The following DLC1 variants were observed in gnomAD, a reference collection of about 807,000 sequenced individuals.
DLC1 encodes rho GTPase-activating protein 7.
DLC1 carries 54 observed loss-of-function variants against 140.3 expected under a neutral mutation model. That is an observed-to-expected ratio of 0.38 (90% CI 0.31 to 0.48). DLC1 has a LOEUF of 0.48. Among genes scored for constraint, DLC1 ranks in the 20% least tolerant of loss-of-function variants. DLC1 has a pLI of 0.96. For synonymous variants in DLC1, 986 were observed against 728.1 expected, an observed-to-expected ratio of 1.35 and a Z score of -5.70; for missense variants, 2,536 against 1,907.0, an observed-to-expected ratio of 1.33 and a Z score of -6.14.
rs567771375 is a variant in DLC1, at chr8:13,583,072, A to G, written c.-126+21465T>C. 7.9e-5 allele frequency among the ~76,000 whole-genome samples: 12 copies of G among 151,868 alleles called. No individual in the cohort carries two copies. The East Asian group carries it at 2.3e-3, about 30-fold the overall frequency. On this transcript the variant is annotated intron_variant, in intron 1 of 1. Coordinates refer to the DLC1 transcript ENST00000631382. Reference sequence around the variant, plus strand: ...TGATGTTGATGGCTGCTGACTGATCAGGGTGGTGGTGGCCGAAAGTTGAGG... The same window carrying G: ...TGATGTTGATGGCTGCTGACTGATCGGGGTGGTGGTGGCCGAAAGTTGAGG...
At chr8:13,317,660 G>C (rs1211814564) in intron 4 of DLC1, among the ~76,000 whole-genome samples, 1 of 152,074 alleles carries the variant, frequency 6.6e-6, no homozygotes, top group Non-Finnish European at 1.5e-5. Flanking sequence ...GAGGGGTAGG[G>C]AGGGCCTGAA....
At chr8:13,353,993 T>A (rs1297889431) in intron 4 of DLC1, among the ~76,000 whole-genome samples, 1 of 152,194 alleles carries the variant, frequency 6.6e-6, no homozygotes, top group Non-Finnish European at 1.5e-5. Flanking sequence ...GTCCACTGAC[T>A]TTCTTCACAT....
At chr8:13,482,148 G>C (rs903581761) in intron 2 of DLC1, among the ~76,000 whole-genome samples, 1 of 152,130 alleles carries the variant, frequency 6.6e-6, no homozygotes, top group African/African-American at 2.4e-5. Flanking sequence ...CCAAGAAAAT[G>C]AATACAGCAG....
chr8:13,439,206 C>T (rs915840535), intron 2 of DLC1, among the ~76,000 whole-genome samples: 4 of 152,040 alleles, frequency 2.6e-5, no homozygotes, highest in African/African-American at 9.7e-5. Context: ...CACCTGTGGT[C>T]CTAGGTACTT....
Position 13,318,505 on chromosome 8 carries a change from C to T in DLC1, c.1315-13203G>A, listed in dbSNP as rs573650535. Among the ~76,000 whole-genome samples, 6 of 152,288 alleles carry T rather than the reference C, an allele frequency of 3.9e-5. No homozygotes were observed. In the South Asian group the frequency reaches 1.2e-3, roughly 32 times the overall value. ...GTTTTAACTTAGTTAAGTTCATGTT[C>T]TCCCCTTCTCTTCTATCCAGCCTCT... On this transcript the variant is annotated intron_variant, in intron 4 of 17. Coordinates refer to ENST00000276297, the MANE Select transcript of DLC1 (RefSeq NM_182643.3).
At chr8:13,269,940 G>A (rs960542222) in intron 5 of DLC1, among the ~76,000 whole-genome samples, 7 of 150,552 alleles carry the variant, frequency 4.6e-5, no homozygotes, top group East Asian at 2.0e-4. Flanking sequence ...GGTGGCGGGC[G>A]CCTGTAGTCC....
intron 4 of DLC1, among the ~76,000 whole-genome samples, chr8:13,392,033 A>G (rs1178097780): frequency 6.6e-6 from 1 of 152,082 alleles, no homozygotes; most frequent in Admixed American, 6.6e-5. Context: ...TCTTATCTTA[A>G]TTTTGCATCT....
rs1818180539 is a variant in DLC1 at position 13,092,734 on chromosome 8, A to G, written c.3618T>C (p.Tyr1206=). The change falls in exon 13 of 18, where the codon TAT becomes TAC. Residue 1206 remains tyrosine, a synonymous_variant. Transcript: ENST00000276297. ...CGGCTGCTGTGACATCGCTCAGGAAATAAAGCAGGGTCTGCAGAACCTCCC... is the reference window on the plus strand; with the variant it reads ...CGGCTGCTGTGACATCGCTCAGGAAGTAAAGCAGGGTCTGCAGAACCTCCC... The part of the protein sequence containing the change: ...ENREVLQTLL[Y]FLSDVTAAVK... The G allele has an allele frequency of 6.2e-7, 1 of 1,614,200 alleles. No individual in the cohort carries two copies. Among genetic ancestry groups the G allele is most frequent in the East Asian group, 2.2e-5 (1 of 44,884 alleles).
chr8:13,567,458 T>C, intron 1 of DLC1: 1 of 1,552,086 alleles, frequency 6.4e-7, no homozygotes, highest in Non-Finnish European at 8.7e-7. Flanking sequence ...GGATTGGATG[T>C]AGAGGCTTCA....
Position 13,090,334 on chromosome 8 carries a change from C to G in DLC1, c.3992G>C (p.Gly1331Ala). Residue 1331 changes from glycine (G) to alanine (A), a missense_variant, in exon 15 of 18, where the codon GGC becomes GCC. Transcript: ENST00000276297. ...CTTCTCTTTGACTTCTTTAAACAGG[C>G]CATCCACACAGTCCTGGAGGAAGTG... Reference protein sequence around the residue: ...YQHFLQDCVDGLFKEVKEKFK... With the variant: ...YQHFLQDCVDALFKEVKEKFK... 1 of 1,614,170 alleles carries G rather than the reference C, an allele frequency of 6.2e-7. No homozygotes were observed. Among genetic ancestry groups the G allele is most frequent in the Non-Finnish European group, 8.5e-7 (1 of 1,180,038 alleles).
intron 1 of DLC1, among the ~76,000 whole-genome samples, chr8:13,523,534 T>C (rs566858958): frequency 6.6e-6 from 1 of 152,270 alleles, no homozygotes; most frequent in East Asian, 1.9e-4. Context: ...GCTAGACAAA[T>C]ACATTTGGGA....
At chr8:13,545,779 T>C (rs1426919178) in intron 1 of DLC1, among the ~76,000 whole-genome samples, 2 of 152,148 alleles carry the variant, frequency 1.3e-5, no homozygotes, top group Admixed American at 1.3e-4. Flanking sequence ...TTCCTATCTT[T>C]TGTTTGTGAT....
chr8:13,517,584 C>T (rs907781432), upstream of DLC1, among the ~76,000 whole-genome samples: 3 of 152,136 alleles, frequency 2.0e-5, no homozygotes, highest in African/African-American at 7.2e-5. Flanking sequence ...AGTGAGAAAA[C>T]TTCCTAAGTA....
intron 5 of DLC1, among the ~76,000 whole-genome samples, chr8:13,215,524 T>G (rs917739286): frequency 2.6e-5 from 4 of 152,092 alleles, no homozygotes; most frequent in Non-Finnish European, 4.4e-5. Context: ...AGGCAGAAGT[T>G]TCAGTTAGCC....
At chr8:13,525,831 TA>T (rs1361563839) in intron 1 of DLC1, among the ~76,000 whole-genome samples, 1 of 152,174 alleles carries the variant, frequency 6.6e-6, no homozygotes, top group East Asian at 1.9e-4. Flanking sequence ...ATAAATGAAA[TA>T]ACTCTCAAGT....
chr8:13,531,969 A>G (rs1430496541), intron 1 of DLC1, among the ~76,000 whole-genome samples: 3 of 151,892 alleles, frequency 2.0e-5, no homozygotes, highest in African/African-American at 4.8e-5. Context: ...TAGGGGCAAG[A>G]CTCTCCGCTC....
intron 5 of DLC1, among the ~76,000 whole-genome samples, chr8:13,183,569 A>T (rs1826164524): frequency 6.6e-6 from 1 of 152,166 alleles, no homozygotes; most frequent in South Asian, 2.1e-4. Context: ...ATCTATTGAG[A>T]TAATCATGTG....
At chr8:13,114,538 C>T (rs1218051395) in intron 6 of DLC1, among the ~76,000 whole-genome samples, 4 of 151,150 alleles carry the variant, frequency 2.6e-5, no homozygotes, top group Non-Finnish European at 3.0e-5. Context: ...TTTTTTTGAA[C>T]CATTTTTCTC....
intron 2 of DLC1, among the ~76,000 whole-genome samples, chr8:13,467,377 C>G (rs751957299): frequency 7.2e-5 from 11 of 151,892 alleles, no homozygotes; most frequent in Non-Finnish European, 1.3e-4. Context: ...CCCCTCCCCT[C>G]CTCTCCCCTC....
Sources: gnomAD v4.1 joint callset for allele counts (sites outside exome capture counted in the v4.1 genomes callset) on GRCh38, gnomAD v4.1.1 for gene constraint, MANE v1.5 for transcripts, NCBI Gene and HGNC (gene_info 2026-07-23, HGNC 2026-07-21) for gene names.